Variants in DLGAP1 observed in about 807,000 individuals in gnomAD.
DLGAP1 encodes disks large-associated protein 1.
DLGAP1 carries 11 observed loss-of-function variants against 90.8 expected under a neutral mutation model. The observed-to-expected ratio is 0.12, with a 90% CI of 0.08 to 0.20. The LOEUF (loss-of-function observed/expected upper bound fraction) is 0.20. Among genes scored for constraint, DLGAP1 ranks in the 10% least tolerant of loss-of-function variants. The pLI is 1.00. For synonymous variants in DLGAP1, 558 were observed against 540.7 expected, an observed-to-expected ratio of 1.03 and a Z score of -0.44; for missense variants, 1,050 against 1,333.8, an observed-to-expected ratio of 0.79 and a Z score of 3.31.
intron 1 of DLGAP1, among the ~76,000 whole-genome samples, chr18:4,420,591 G>C (rs2083007643): frequency 1.3e-5 from 1 of 77,690 alleles, no homozygotes. Flanking sequence ...CCTCACCTAA[G>C]TTTTCTCACT....
chr18:3,953,697 T>C (rs1300167060), intron 3 of DLGAP1, among the ~76,000 whole-genome samples: 2 of 152,238 alleles, frequency 1.3e-5, no homozygotes, highest in Non-Finnish European at 2.9e-5. Flanking sequence ...TTTGGTTATA[T>C]ACCCAGTAGT....
rs973952834 is a variant in DLGAP1, at chr18:3,656,023, C to T, written c.1591+73112G>A. 1.2e-5 allele frequency: 18 copies of T among 1,473,388 alleles called. No homozygotes were observed. The African/African-American group carries it at 1.9e-4, about 15-fold the overall frequency. 91.3% of individuals were successfully genotyped at this position (1,473,388 alleles called of 1,614,324 possible). ...CACTGCCACAGAAGCTTTTTAGCTA[C>T]AAGCCACGCTATGCAACCTTTAAGC... On this transcript the variant is annotated intron_variant, in intron 7 of 12. Transcript: ENST00000315677.
chr18:3,955,108 G>A (rs1014994782), intron 3 of DLGAP1, among the ~76,000 whole-genome samples: 1 of 152,152 alleles, frequency 6.6e-6, no homozygotes, highest in African/African-American at 2.4e-5. Context: ...AGAGAACAGT[G>A]CTTGGTGTCC....
intron 7 of DLGAP1, among the ~76,000 whole-genome samples, chr18:3,599,382 T>TCCC: frequency 6.6e-6 from 1 of 152,188 alleles, no homozygotes; most frequent in African/African-American, 2.4e-5. Flanking sequence ...GTACTTGAAT[T>TCCC]TGTCTGCAGG....
intron 1 of DLGAP1, among the ~76,000 whole-genome samples, chr18:4,443,024 C>T (rs937959514): frequency 2.0e-5 from 3 of 152,158 alleles, no homozygotes; most frequent in Admixed American, 2.0e-4. Flanking sequence ...GGCCATTCTC[C>T]AATAGCGGAC....
intron 5 of DLGAP1, among the ~76,000 whole-genome samples, chr18:3,802,143 C>A (rs1255119200): frequency 6.6e-6 from 1 of 152,084 alleles, no homozygotes; most frequent in Admixed American, 6.5e-5. Context: ...TGCCACCATG[C>A]CTGGCTAATT....
intron 11 of DLGAP1, among the ~76,000 whole-genome samples, chr18:3,506,965 G>A (rs2143760947): frequency 6.6e-6 from 1 of 152,184 alleles, no homozygotes; most frequent in East Asian, 1.9e-4. Flanking sequence ...CTGAAAAATT[G>A]GAAGAAGGGT....
intron 1 of DLGAP1, among the ~76,000 whole-genome samples, chr18:4,348,121 C>T (rs945033640): frequency 1.1e-4 from 16 of 152,042 alleles, no homozygotes; most frequent in Admixed American, 1.0e-3. Flanking sequence ...AGCCCAAAGA[C>T]AAGGAAAAGT....
chr18:3,906,524 G>A (rs915755500), intron 3 of DLGAP1, among the ~76,000 whole-genome samples: 2 of 152,092 alleles, frequency 1.3e-5, no homozygotes, highest in Non-Finnish European at 2.9e-5. Context: ...TTTTCTAGAC[G>A]TTTCCTCAAA....
intron 1 of DLGAP1, among the ~76,000 whole-genome samples, chr18:4,287,194 T>G (rs2079720371): frequency 6.6e-6 from 1 of 152,120 alleles, no homozygotes; most frequent in South Asian, 2.1e-4. Context: ...AATAAATGAT[T>G]TGTTATCAAA....
intron 1 of DLGAP1, among the ~76,000 whole-genome samples, chr18:4,279,530 C>G (rs1322574806): frequency 6.6e-6 from 1 of 152,104 alleles, no homozygotes; most frequent in Admixed American, 6.5e-5. Context: ...GGGGAAGTGC[C>G]TGATGTGTAA....
intron 9 of DLGAP1, among the ~76,000 whole-genome samples, chr18:3,560,078 T>C (rs1427292517): frequency 6.6e-6 from 1 of 152,122 alleles, no homozygotes; most frequent in African/African-American, 2.4e-5. Context: ...TTTAAATACA[T>C]TTTTGCTATT....
At chr18:3,956,552 G>A (rs961427847) in intron 3 of DLGAP1, among the ~76,000 whole-genome samples, 4 of 152,138 alleles carry the variant, frequency 2.6e-5, no homozygotes, top group African/African-American at 9.7e-5. Context: ...TTTTCGCCGT[G>A]TTAGCCAGGA....
At chr18:3,776,755 C>T (rs544655711) in intron 5 of DLGAP1, among the ~76,000 whole-genome samples, 7 of 152,268 alleles carry the variant, frequency 4.6e-5, no homozygotes, top group Admixed American at 3.3e-4. Flanking sequence ...AAAACAAAAA[C>T]AATTCAAAGA....
chr18:3,514,878 C>T (rs2050739512), intron 10 of DLGAP1, among the ~76,000 whole-genome samples: 1 of 152,118 alleles, frequency 6.6e-6, no homozygotes, highest in Non-Finnish European at 1.5e-5. Context: ...GTGGCTGTGG[C>T]AATGTCTCTT....
At chr18:4,265,453 G>A (rs2079091692) in intron 1 of DLGAP1, among the ~76,000 whole-genome samples, 1 of 146,716 alleles carries the variant, frequency 6.8e-6, no homozygotes, top group Non-Finnish European at 1.5e-5. Flanking sequence ...ACAGGTGTGA[G>A]CCACTGCACC....
chr18:4,180,775 G>T (rs1213038682), intron 1 of DLGAP1, among the ~76,000 whole-genome samples: 1 of 105,536 alleles, frequency 9.5e-6, no homozygotes, highest in Non-Finnish European at 1.9e-5. Flanking sequence ...TATGCTCAGA[G>T]GTAGGGAAAA....
At chr18:3,655,855 A>G in intron 7 of DLGAP1, 1 of 472,600 alleles carries the variant, frequency 2.1e-6, no homozygotes, top group South Asian at 3.8e-5. Context: ...GGAGACAGAA[A>G]CAGACATGTT....
intron 5 of DLGAP1, among the ~76,000 whole-genome samples, chr18:3,796,210 G>A (rs962960602): frequency 6.6e-6 from 1 of 152,212 alleles, no homozygotes; most frequent in African/African-American, 2.4e-5. Context: ...ACTCAGAACT[G>A]TAGACTCAAG....
Sources: gnomAD v4.1 joint callset for allele counts (sites outside exome capture counted in the v4.1 genomes callset) on GRCh38, gnomAD v4.1.1 for gene constraint, MANE v1.5 for transcripts, NCBI Gene and HGNC (gene_info 2026-07-23, HGNC 2026-07-21) for gene names.